The following PHF14 variants were observed in gnomAD, a reference collection of about 807,000 sequenced individuals.
PHF14 encodes the protein PHD finger protein 14.
PHF14 carries 55 observed loss-of-function variants against 117.9 expected under a neutral mutation model. The ratio of observed to expected loss-of-function variants is 0.47; its 90% confidence interval spans 0.38 to 0.58. The LOEUF is 0.58. Among genes scored for constraint, PHF14 ranks in the 20% least tolerant of loss-of-function variants. PHF14 has a pLI of 0.00. For missense variants in PHF14, 978 were observed against 1,122.2 expected, an observed-to-expected ratio of 0.87 and a Z score of 1.84; for synonymous variants, 409 against 368.6, an observed-to-expected ratio of 1.11 and a Z score of -1.26.
At chr7:11,164,404 AAATC>A (rs1789141193) in intron 17 of PHF14, among the ~76,000 whole-genome samples, 1 of 152,194 alleles carries the variant, frequency 6.6e-6, no homozygotes, top group African/African-American at 2.4e-5. Context: ...AAGAAAATAA[AAATC>A]AATAATATCA....
chr7:11,064,492 A>T (rs990779541), intron 16 of PHF14, among the ~76,000 whole-genome samples: 2 of 151,944 alleles, frequency 1.3e-5, no homozygotes, highest in African/African-American at 4.8e-5. Flanking sequence ...TTCATGGGTC[A>T]CAATTAGTCT....
At chr7:11,074,142 C>G (rs1785732011) in intron 16 of PHF14, among the ~76,000 whole-genome samples, 1 of 152,150 alleles carries the variant, frequency 6.6e-6, no homozygotes, top group African/African-American at 2.4e-5. Flanking sequence ...ATGCTAATCA[C>G]TTTAGCAAAT....
At chr7:11,124,603 T>TA (rs1158507745) in intron 17 of PHF14, among the ~76,000 whole-genome samples, 3 of 152,214 alleles carry the variant, frequency 2.0e-5, no homozygotes, top group African/African-American at 2.4e-5. Context: ...TGTTTTTTTT[T>TA]ATCTCCTTTC....
chr7:11,079,740 GCTAA>G lies in PHF14; in HGVS notation c.2654+17658_2654+17661del, dbSNP rs199906960. ...TGGCTTTTCTCCTTTTACATTGTATGCTAACTGTGATATACAAAATCATTTAGCT... is the reference window on the plus strand; with the variant it reads ...TGGCTTTTCTCCTTTTACATTGTATGCTGTGATATACAAAATCATTTAGCT... On this transcript the variant is annotated intron_variant, in intron 16 of 17. Transcript: ENST00000634607. 1.5e-3 allele frequency among the ~76,000 whole-genome samples: 229 copies of G among 152,156 alleles called. 8 individuals are homozygous for G. In the East Asian group the frequency reaches 0.037, roughly 25 times the overall value.
At chr7:11,110,534 G>A in intron 16 of PHF14, 1 of 981,572 alleles carries the variant, frequency 1.0e-6, no homozygotes. Flanking sequence ...GGATGAGATT[G>A]TCTGAAACGA....
At chr7:11,106,873 G>C (rs1787283826) in intron 16 of PHF14, 1 of 983,368 alleles carries the variant, frequency 1.0e-6, no homozygotes, top group Admixed American at 6.2e-5. Context: ...TCCAGTTTTT[G>C]TTTTGCTTTA....
chr7:11,129,553 T>C (rs1458417619), intron 17 of PHF14, among the ~76,000 whole-genome samples: 1 of 150,404 alleles, frequency 6.6e-6, no homozygotes, highest in African/African-American at 2.4e-5. Flanking sequence ...TGTTTCTTTT[T>C]TTTTTTTTTT....
chr7:11,030,708 C>G (rs1784092885), intron 7 of PHF14, among the ~76,000 whole-genome samples: 2 of 152,112 alleles, frequency 1.3e-5, no homozygotes, highest in Admixed American at 6.6e-5. Flanking sequence ...CCTTGCCTTG[C>G]TGTGTCCCTT....
intron 3 of PHF14, among the ~76,000 whole-genome samples, chr7:10,989,142 A>G (rs992535882): frequency 2.0e-5 from 3 of 152,194 alleles, no homozygotes; most frequent in African/African-American, 7.2e-5. Flanking sequence ...AAGAGAAATG[A>G]TACTATATTC....
chr7:11,022,432 C>T (rs1783767942), intron 5 of PHF14, among the ~76,000 whole-genome samples: 1 of 152,160 alleles, frequency 6.6e-6, no homozygotes, highest in Non-Finnish European at 1.5e-5. Context: ...TACCTAATTA[C>T]TGCAGAGTAA....
chr7:10,994,605 T>C (rs113023343), intron 4 of PHF14, among the ~76,000 whole-genome samples: 2,287 of 152,226 alleles, frequency 0.015, 47 homozygotes, highest in African/African-American at 0.053. Context: ...GATTTTATTA[T>C]TGTGTCCGGA....
At chr7:11,083,077 A>C (rs1786214483) in intron 16 of PHF14, among the ~76,000 whole-genome samples, 1 of 152,086 alleles carries the variant, frequency 6.6e-6, no homozygotes, top group Non-Finnish European at 1.5e-5. Flanking sequence ...ATCTAAGAAA[A>C]AGTTCAAATG....
At chr7:11,114,844 C>G (rs1464983134) in intron 17 of PHF14, among the ~76,000 whole-genome samples, 1 of 152,050 alleles carries the variant, frequency 6.6e-6, no homozygotes, top group Non-Finnish European at 1.5e-5. Flanking sequence ...ATTAAGACAG[C>G]AGCCACCCAG....
At chr7:11,096,101 A>T (rs999479694) in intron 16 of PHF14, among the ~76,000 whole-genome samples, 1 of 152,112 alleles carries the variant, frequency 6.6e-6, no homozygotes, top group African/African-American at 2.4e-5. Flanking sequence ...GGTCTTCCTT[A>T]ATCACATGGT....
At chr7:11,097,790 A>G (rs1365311295) in intron 16 of PHF14, among the ~76,000 whole-genome samples, 3 of 152,114 alleles carry the variant, frequency 2.0e-5, no homozygotes, top group Non-Finnish European at 2.9e-5. Flanking sequence ...AGAATCAATA[A>G]AGTGCACACT....
intron 17 of PHF14, among the ~76,000 whole-genome samples, chr7:11,151,979 A>C (rs1251659111): frequency 2.0e-5 from 3 of 152,178 alleles, no homozygotes; most frequent in Non-Finnish European, 4.4e-5. Context: ...AGTATACCAC[A>C]ATAAATCCTA....
At chr7:11,003,857 C>T (rs1219917575) in intron 4 of PHF14, among the ~76,000 whole-genome samples, 2 of 152,034 alleles carry the variant, frequency 1.3e-5, no homozygotes, top group African/African-American at 2.4e-5. Context: ...ATGTATCTAC[C>T]CCATCTGTTG....
chr7:11,128,154 A>G (rs747180790), intron 17 of PHF14, among the ~76,000 whole-genome samples: 12 of 152,064 alleles, frequency 7.9e-5, no homozygotes, highest in Admixed American at 1.3e-4. Flanking sequence ...TGAGTTCACT[A>G]CAAATTCATG....
chr7:10,985,650 T>G (rs921408774), intron 3 of PHF14, among the ~76,000 whole-genome samples: 4 of 127,244 alleles, frequency 3.1e-5, no homozygotes, highest in East Asian at 2.3e-4. Flanking sequence ...TTTTTTTTTT[T>G]TTTTTTTTTT....
Sources: allele counts gnomAD v4.1 joint callset (sites outside exome capture counted in the v4.1 genomes callset), GRCh38; gene constraint gnomAD v4.1.1; transcripts MANE v1.5; gene names NCBI Gene and HGNC (gene_info 2026-07-23, HGNC 2026-07-21).